The following DIP2B variants were observed in gnomAD, a reference collection of about 807,000 sequenced individuals.
The protein encoded by DIP2B is DIP2 acetate--CoA ligase B (putative).
A neutral mutation model predicts 198.0 loss-of-function variants in DIP2B; 76 were observed. That is an observed-to-expected ratio of 0.38 (90% CI 0.32 to 0.46). DIP2B has a LOEUF of 0.46. Ranked by LOEUF, DIP2B falls within the 20% of genes least tolerant of loss-of-function variation. The pLI is 0.99. For synonymous variants in DIP2B, 701 were observed against 739.1 expected, an observed-to-expected ratio of 0.95 and a Z score of 0.84; for missense variants, 1,559 against 1,978.4, an observed-to-expected ratio of 0.79 and a Z score of 4.02.
chr12:50,716,400 G>C (rs1939716219), intron 23 of DIP2B, among the ~76,000 whole-genome samples: 1 of 152,076 alleles, frequency 6.6e-6, no homozygotes, highest in Non-Finnish European at 1.5e-5. Flanking sequence ...ATGTCGGGAG[G>C]CTGAGGCAGG....
chr12:50,620,119 G>C (rs1593661415), intron 1 of DIP2B, among the ~76,000 whole-genome samples: 2 of 152,196 alleles, frequency 1.3e-5, no homozygotes, highest in East Asian at 3.9e-4. Flanking sequence ...ATGTGGTTCT[G>C]TCTAGCTCAG....
chr12:50,555,039 A>C (rs550658558), intron 1 of DIP2B, among the ~76,000 whole-genome samples: 1 of 152,212 alleles, frequency 6.6e-6, no homozygotes, highest in East Asian at 1.9e-4. Context: ...AAGTGCTGGG[A>C]TTATAGGCGT....
rs1357867251 is a variant in DIP2B at position 50,695,853 on chromosome 12, G to A, written c.1819G>A (p.Val607Ile). The A allele has an allele frequency of 3.7e-6, 6 of 1,614,006 alleles. No homozygotes were observed. Among genetic ancestry groups the A allele is most frequent in the Admixed American group, 3.3e-5 (2 of 60,006 alleles). ...VQRVHAHKAK[V>I]ALVKCRDLHW... The stretch of plus-strand genomic sequence containing the variant: ...CATCCTTTTTGAATTTATAGCCAAG[G>A]TAGCTTTAGTAAAATGTCGGGACTT... Residue 607 changes from valine to isoleucine, a missense_variant, in exon 16 of 38, where the codon GTA becomes ATA. Val to Ile is a conservative substitution (Grantham distance 29, BLOSUM62 3). Transcript: ENST00000301180.
In DIP2B at chr12:50,746,390, CTAAG is replaced by C. The variant is rs1172217079; in HGVS notation, c.*1554_*1557del. On this transcript the variant is annotated 3_prime_UTR_variant, in exon 38 of 38. Coordinates refer to ENST00000301180, the MANE Select transcript of DIP2B (RefSeq NM_173602.3). ...TTACCCCACTGTAACATCATGTAAA[CTAAG>C]TATGTTTTTAAACAATTTTTAAGAC... 1.3e-5 allele frequency: 2 copies of C among 152,078 alleles called. No individual in the cohort carries two copies. Among genetic ancestry groups the C allele is most frequent in the East Asian group, 3.9e-4 (2 of 5,192 alleles). The allele number at this position is 152,078 out of a possible 1,614,324, so 9.4% of individuals were successfully genotyped here. A position where few individuals can be genotyped will look rare whatever the true frequency, so the allele number is the denominator to read the frequency against.
intron 22 of DIP2B, among the ~76,000 whole-genome samples, chr12:50,713,772 C>T (rs1939661048): frequency 7.0e-6 from 1 of 142,654 alleles, no homozygotes; most frequent in African/African-American, 2.6e-5. Flanking sequence ...TTGACATTAT[C>T]ACTTAAGAGA....
rs1179066644 is a variant in DIP2B at position 50,630,714 on chromosome 12, C to T, written c.172+4667C>T. On this transcript the variant is annotated intron_variant, in intron 2 of 37. Transcript: ENST00000301180. The stretch of plus-strand genomic sequence containing the variant: ...GAGACAGAGTTTCACTCTTGTTGCC[C>T]AGGCTGGAGTGCAATGGCGTGATCT... 2.9e-5 allele frequency among the ~76,000 whole-genome samples: 4 copies of T among 138,150 alleles called. No individual in the cohort carries two copies. In the East Asian group the frequency reaches 8.2e-4, roughly 28 times the overall value. The allele number at this position is 138,150 out of a possible 152,430, so 90.6% of individuals were successfully genotyped here.
chr12:50,584,096 C>T (rs1958748561), intron 1 of DIP2B, among the ~76,000 whole-genome samples: 1 of 152,332 alleles, frequency 6.6e-6, no homozygotes, highest in South Asian at 2.1e-4. Context: ...TTTACACTCT[C>T]TCCCATGTGA....
intron 2 of DIP2B, among the ~76,000 whole-genome samples, chr12:50,637,991 G>C (rs1214996336): frequency 6.6e-6 from 1 of 152,098 alleles, no homozygotes; most frequent in Non-Finnish European, 1.5e-5. Flanking sequence ...TGAGAAGGAA[G>C]GCTTTATGTT....
intron 1 of DIP2B, among the ~76,000 whole-genome samples, chr12:50,511,426 G>A (rs1206524355): frequency 6.6e-6 from 1 of 150,770 alleles, no homozygotes; most frequent in Admixed American, 6.6e-5. Context: ...CCAATAGCTG[G>A]GACTACAGGC....
Position 50,546,993 on chromosome 12 carries a change from C to T in DIP2B, c.100+41753C>T, listed in dbSNP as rs563602599. 8.5e-5 allele frequency among the ~76,000 whole-genome samples: 13 copies of T among 152,300 alleles called. No homozygotes were observed. In the East Asian group the frequency reaches 1.3e-3, roughly 16 times the overall value. The stretch of plus-strand genomic sequence containing the variant: ...TACTACTTTTCTGAAACTGCTTACT[C>T]GGAGGTTCGGTTCACCTTACCTCCT... On this transcript the variant is annotated intron_variant, in intron 1 of 37. Coordinates refer to ENST00000301180, the MANE Select transcript of DIP2B (RefSeq NM_173602.3).
At chr12:50,720,742 T>C (rs1939820871) in intron 25 of DIP2B, among the ~76,000 whole-genome samples, 1 of 152,130 alleles carries the variant, frequency 6.6e-6, no homozygotes, top group Admixed American at 6.5e-5. Flanking sequence ...TGAGCTGTGA[T>C]TACATCACTG....
intron 19 of DIP2B, among the ~76,000 whole-genome samples, chr12:50,700,579 A>G (rs529219881): frequency 1.3e-5 from 2 of 152,338 alleles, no homozygotes; most frequent in African/African-American, 4.8e-5. Flanking sequence ...TACCATATCT[A>G]TGCTCTCCAT....
intron 19 of DIP2B, among the ~76,000 whole-genome samples, chr12:50,700,415 C>T (rs1939397777): frequency 6.6e-6 from 1 of 152,164 alleles, no homozygotes; most frequent in Admixed American, 6.5e-5. Context: ...TATATAAGCA[C>T]TCCTATTTTT....
chr12:50,563,012 A>AT (rs1314076645), intron 1 of DIP2B, among the ~76,000 whole-genome samples: 1 of 152,228 alleles, frequency 6.6e-6, no homozygotes, highest in Non-Finnish European at 1.5e-5. Flanking sequence ...CTCTAATAAA[A>AT]TTAGTGTAGA....
At position 50,623,183 on chromosome 12, in the gene DIP2B, A is replaced by G. The variant is rs557089978; in HGVS notation, c.101-2793A>G. Among the ~76,000 whole-genome samples the G allele has an allele frequency of 1.1e-4, 16 of 152,026 alleles. No homozygotes were observed. In the East Asian group the frequency reaches 3.1e-3, roughly 29 times the overall value. ...AGGATTGCTTGAGCCCAGGAGTTCA[A>G]GACCAGCCCGGGCAACAAAGCGAGA... On this transcript the variant is annotated intron_variant, in intron 1 of 37. Coordinates refer to ENST00000301180, the MANE Select transcript of DIP2B (RefSeq NM_173602.3).
chr12:50,728,483 G>A (rs191008550), intron 29 of DIP2B, 65 bp from the exon 30 acceptor site: 38 of 1,552,744 alleles, frequency 2.4e-5, no homozygotes, highest in African/African-American at 4.1e-5. Context: ...CAAAGCTGTC[G>A]TCAGAGCTGT....
intron 35 of DIP2B, among the ~76,000 whole-genome samples, chr12:50,737,576 A>G (rs923515022): frequency 6.6e-6 from 1 of 151,898 alleles, no homozygotes; most frequent in African/African-American, 2.4e-5. Context: ...TTAACTATAT[A>G]AAATAGTTAA....
At chr12:50,684,565 G>A (rs1022396146) in intron 10 of DIP2B, among the ~76,000 whole-genome samples, 2 of 152,174 alleles carry the variant, frequency 1.3e-5, no homozygotes, top group Non-Finnish European at 2.9e-5. Context: ...GCCGAGGTGG[G>A]TGGATCACCT....
Position 50,666,824 on chromosome 12 carries a change from A to G in DIP2B, c.428-4362A>G, listed in dbSNP as rs1428595276. Among the ~76,000 whole-genome samples the G allele has an allele frequency of 2.0e-5, 3 of 152,004 alleles. No homozygotes were observed. The East Asian group carries it at 5.8e-4, about 29-fold the overall frequency. On this transcript the variant is annotated intron_variant, in intron 4 of 37. Coordinates refer to ENST00000301180, the MANE Select transcript of DIP2B (RefSeq NM_173602.3). Reference sequence around the variant, plus strand: ...ATCACGAGGTCAGGAGATCAAGACCATCCTGGCTAACACGCTGAAACCTTG... The same window carrying G: ...ATCACGAGGTCAGGAGATCAAGACCGTCCTGGCTAACACGCTGAAACCTTG...
Sources: allele counts gnomAD v4.1 joint callset (sites outside exome capture counted in the v4.1 genomes callset), GRCh38; gene constraint gnomAD v4.1.1; transcripts MANE v1.5; gene names NCBI Gene and HGNC (gene_info 2026-07-23, HGNC 2026-07-21).